Variants in ZNF804A observed in about 807,000 individuals in gnomAD.
ZNF804A encodes zinc finger protein 804A.
In ZNF804A, 2 loss-of-function variants were observed where a neutral mutation model predicts 16.5. The observed-to-expected ratio is 0.12, with a 90% CI of 0.05 to 0.38. The LOEUF (loss-of-function observed/expected upper bound fraction) is 0.38. Ranked by LOEUF, ZNF804A falls within the 10% of genes least tolerant of loss-of-function variation. ZNF804A has a pLI of 0.99. For missense variants in ZNF804A, 1,473 were observed against 1,390.7 expected (o/e 1.06, Z -0.94); for synonymous variants, 534 against 489.6 (o/e 1.09, Z -1.20).
chr2:184,690,499 C>T (rs1692710250), intron 1 of ZNF804A, among the ~76,000 whole-genome samples: 1 of 151,998 alleles, frequency 6.6e-6, no homozygotes, highest in African/African-American at 2.4e-5. Flanking sequence ...AGATAGAATA[C>T]TTATGTTTGC....
chr2:184,757,519 A>G (rs1300491334), intron 1 of ZNF804A, among the ~76,000 whole-genome samples: 1 of 151,976 alleles, frequency 6.6e-6, no homozygotes. Flanking sequence ...TTATTTAAAG[A>G]CCAAGTCATC....
At chr2:184,794,599 A>T (rs1009105349) in intron 1 of ZNF804A, among the ~76,000 whole-genome samples, 2 of 151,974 alleles carry the variant, frequency 1.3e-5, no homozygotes, top group Admixed American at 1.3e-4. Context: ...AGAAAGACAA[A>T]AAAACCAAGG....
intron 1 of ZNF804A, among the ~76,000 whole-genome samples, chr2:184,670,498 A>G (rs956684483): frequency 6.6e-6 from 1 of 152,104 alleles, no homozygotes; most frequent in Non-Finnish European, 1.5e-5. Context: ...TCTGGGAGAT[A>G]TACCATATTT....
At chr2:184,749,068 G>A (rs1693838401) in intron 1 of ZNF804A, among the ~76,000 whole-genome samples, 1 of 151,326 alleles carries the variant, frequency 6.6e-6, no homozygotes, top group South Asian at 2.1e-4. Flanking sequence ...TTGCTATTTG[G>A]GCTCCTTTTT....
chr2:184,623,444 G>A (rs1402564522), intron 1 of ZNF804A, among the ~76,000 whole-genome samples: 2 of 151,990 alleles, frequency 1.3e-5, no homozygotes, highest in African/African-American at 4.8e-5. Flanking sequence ...GATTTTTCAA[G>A]TATTTTTGTG....
At chr2:184,634,973 T>A (rs1691672418) in intron 1 of ZNF804A, among the ~76,000 whole-genome samples, 1 of 151,218 alleles carries the variant, frequency 6.6e-6, no homozygotes, top group African/African-American at 2.5e-5. Flanking sequence ...TTTAAAAAAA[T>A]AAAAGCTGTA....
intron 1 of ZNF804A, among the ~76,000 whole-genome samples, chr2:184,809,675 A>G (rs1338205900): frequency 1.3e-5 from 2 of 151,842 alleles, no homozygotes; most frequent in Non-Finnish European, 1.5e-5. Flanking sequence ...AGTCACTATG[A>G]GTGTTGGCTT....
intron 1 of ZNF804A, among the ~76,000 whole-genome samples, chr2:184,625,012 A>T (rs1691474200): frequency 6.6e-6 from 1 of 152,184 alleles, no homozygotes; most frequent in Non-Finnish European, 1.5e-5. Flanking sequence ...GATCATTAAA[A>T]TAAGCAGGAT....
intron 2 of ZNF804A, among the ~76,000 whole-genome samples, chr2:184,905,417 G>T (rs1394345937): frequency 1.3e-5 from 2 of 151,584 alleles, no homozygotes; most frequent in East Asian, 3.9e-4. Flanking sequence ...TTTTTTTTTA[G>T]ATCTGGCATG....
intron 1 of ZNF804A, among the ~76,000 whole-genome samples, chr2:184,669,143 T>C (rs1028708254): frequency 2.0e-4 from 31 of 151,972 alleles, no homozygotes; most frequent in African/African-American, 7.2e-4. Context: ...AAAATATATA[T>C]AATGCAGTTT....
chr2:184,813,471 A>G lies in ZNF804A; in HGVS notation c.112-52898A>G, dbSNP rs147234673. 7.9e-4 allele frequency among the ~76,000 whole-genome samples: 120 copies of G among 152,208 alleles called. 1 individual carries two copies. The highest frequency in any genetic ancestry group is 1.5e-3 in the Non-Finnish European group (99 of 67,988). On this transcript the variant is annotated intron_variant, in intron 1 of 3. Transcript: ENST00000302277. The stretch of plus-strand genomic sequence containing the variant: ...AAATAGGACATTTCTAGAAAGAAAA[A>G]CATGGTGACAAATATTGGTTGAGAT...
At chr2:184,776,815 C>T (rs1412783371) in intron 1 of ZNF804A, among the ~76,000 whole-genome samples, 1 of 151,560 alleles carries the variant, frequency 6.6e-6, no homozygotes, top group Non-Finnish European at 1.5e-5. Context: ...CTTATAAACC[C>T]TCTTCAGACT....
intron 1 of ZNF804A, among the ~76,000 whole-genome samples, chr2:184,715,762 A>T (rs1693202998): frequency 6.6e-6 from 1 of 152,166 alleles, no homozygotes; most frequent in African/African-American, 2.4e-5. Context: ...CTATAACTTT[A>T]TCAATTTTTA....
At chr2:184,859,580 C>G (rs1024720692) in intron 1 of ZNF804A, among the ~76,000 whole-genome samples, 2 of 152,142 alleles carry the variant, frequency 1.3e-5, no homozygotes, top group African/African-American at 4.8e-5. Context: ...AATTCTTTCT[C>G]AAGCAGTTTT....
intron 1 of ZNF804A, among the ~76,000 whole-genome samples, chr2:184,624,426 C>G (rs913212863): frequency 6.6e-6 from 1 of 152,044 alleles, no homozygotes; most frequent in Non-Finnish European, 1.5e-5. Context: ...CCAATACTCC[C>G]ATGTTTATGC....
chr2:184,928,152 C>A (rs1277840463), intron 2 of ZNF804A, among the ~76,000 whole-genome samples: 1 of 152,118 alleles, frequency 6.6e-6, no homozygotes, highest in African/African-American at 2.4e-5. Context: ...CTGGGTATTG[C>A]TGCTGGTTAT....
chr2:184,674,850 C>A (rs1692396086), intron 1 of ZNF804A, among the ~76,000 whole-genome samples: 1 of 151,574 alleles, frequency 6.6e-6, no homozygotes, highest in South Asian at 2.1e-4. Flanking sequence ...AAGTAAAATT[C>A]CATGTCAACA....
At chr2:184,817,185 C>T (rs1694996147) in intron 1 of ZNF804A, among the ~76,000 whole-genome samples, 1 of 151,710 alleles carries the variant, frequency 6.6e-6, no homozygotes, top group Non-Finnish European at 1.5e-5. Flanking sequence ...ACAGAGCTCC[C>T]AGAGAAAGGA....
intron 1 of ZNF804A, among the ~76,000 whole-genome samples, chr2:184,606,555 G>C (rs571467263): frequency 2.0e-5 from 3 of 152,128 alleles, no homozygotes; most frequent in Admixed American, 6.5e-5. Flanking sequence ...TCTAATGTAG[G>C]TATTGCTATG....
Sources: gnomAD v4.1 joint callset for allele counts (sites outside exome capture counted in the v4.1 genomes callset) on GRCh38, gnomAD v4.1.1 for gene constraint, MANE v1.5 for transcripts, NCBI Gene and HGNC (gene_info 2026-07-23, HGNC 2026-07-21) for gene names.